Variants in CPA6 observed in about 807,000 individuals in gnomAD.
CPA6 encodes the protein carboxypeptidase B.
In CPA6, 58 loss-of-function variants were observed where a neutral mutation model predicts 63.3. That is an observed-to-expected ratio of 0.92 (90% CI 0.74 to 1.14). The LOEUF is 1.14. Ranked by LOEUF, CPA6 falls within the 50% of genes most tolerant of loss-of-function variation. The probability of loss-of-function intolerance (pLI) is 0.00; values close to 1 mark genes in which losing one functional copy is unlikely to be tolerated. For synonymous variants in CPA6, 185 were observed against 179.0 expected (o/e 1.03, Z -0.27); for missense variants, 565 against 526.6 (o/e 1.07, Z -0.71).
At position 67,591,188 on chromosome 8, in the gene CPA6, A is replaced by C. The variant is rs1399742667; in HGVS notation, c.192+32988T>G. On this transcript the variant is annotated intron_variant, in intron 2 of 10. Transcript: ENST00000297770. ...TTTTCTCAGGTTTGTCAAAGATCAGATGGTTGTAGATATGCGGCATTATTT... is the reference window on the plus strand; with the variant it reads ...TTTTCTCAGGTTTGTCAAAGATCAGCTGGTTGTAGATATGCGGCATTATTT... 5.3e-5 allele frequency among the ~76,000 whole-genome samples: 8 copies of C among 152,284 alleles called. No homozygotes were observed. In the Middle Eastern group the frequency reaches 0.01, roughly 194 times the overall value.
intron 8 of CPA6, among the ~76,000 whole-genome samples, chr8:67,477,282 T>G (rs1347248495): frequency 1.1e-5 from 1 of 91,676 alleles, no homozygotes; most frequent in Non-Finnish European, 1.9e-5. Flanking sequence ...AGAGGGAGAC[T>G]CCATCTCAAA....
At chr8:67,733,212 AAAAAAAAAAAAATAAAAAAAT>A (rs1817745388) in intron 1 of CPA6, among the ~76,000 whole-genome samples, 1 of 130,386 alleles carries the variant, frequency 7.7e-6, no homozygotes, top group Non-Finnish European at 1.8e-5. Context: ...AAAAAAAAAA[AAAAAAAAAAAAATAAAAAAAT>A]TTAGCGTCTA....
chr8:67,728,484 A>AT (rs1480719487), intron 1 of CPA6, among the ~76,000 whole-genome samples: 1 of 152,222 alleles, frequency 6.6e-6, no homozygotes, highest in Non-Finnish European at 1.5e-5. Context: ...AATTTGCACT[A>AT]TAATGAGCCT....
chr8:67,498,096 C>T lies in CPA6; in HGVS notation c.636+8691G>A, dbSNP rs182300257. On this transcript the variant is annotated intron_variant, in intron 6 of 10. Coordinates refer to ENST00000297770, the MANE Select transcript of CPA6 (RefSeq NM_020361.5). ...CTCAGGTTTAAGTCTCTTTGCTCTTCTGTAGATATCTGTTCACGTTTGCAG... is the reference window on the plus strand; with the variant it reads ...CTCAGGTTTAAGTCTCTTTGCTCTTTTGTAGATATCTGTTCACGTTTGCAG... Among the ~76,000 whole-genome samples, 61 of 152,296 alleles carry T rather than the reference C, an allele frequency of 4.0e-4. No individual in the cohort carries two copies. The East Asian group carries it at 9.8e-3, about 25-fold the overall frequency.
chr8:67,611,820 C>T (rs189381033), intron 2 of CPA6, among the ~76,000 whole-genome samples: 9 of 152,236 alleles, frequency 5.9e-5, no homozygotes, highest in South Asian at 4.1e-4. Context: ...AGCCTGCTGG[C>T]GGCACAGCAA....
At chr8:67,574,895 C>A (rs1164495554) in intron 2 of CPA6, among the ~76,000 whole-genome samples, 2 of 151,050 alleles carry the variant, frequency 1.3e-5, no homozygotes, top group Admixed American at 6.6e-5. Flanking sequence ...ACTGGAATTA[C>A]ATAAAAATAA....
intron 1 of CPA6, among the ~76,000 whole-genome samples, chr8:67,692,125 T>C (rs978660502): frequency 6.6e-6 from 1 of 151,698 alleles, no homozygotes; most frequent in Non-Finnish European, 1.5e-5. Context: ...TCACCTGAGG[T>C]TGGGAGTTTG....
chr8:67,620,070 T>C (rs543983212), intron 2 of CPA6, among the ~76,000 whole-genome samples: 4 of 152,340 alleles, frequency 2.6e-5, no homozygotes, highest in East Asian at 1.9e-4. Flanking sequence ...TTTGGAGGAC[T>C]GATGTCTCAA....
intron 2 of CPA6, among the ~76,000 whole-genome samples, chr8:67,615,042 G>A (rs973160857): frequency 2.6e-5 from 4 of 152,062 alleles, no homozygotes; most frequent in African/African-American, 7.2e-5. Flanking sequence ...TTAGGTTATC[G>A]ATACTCGTTT....
intron 2 of CPA6, among the ~76,000 whole-genome samples, chr8:67,555,980 T>C (rs1813051148): frequency 6.6e-6 from 1 of 152,214 alleles, no homozygotes. Flanking sequence ...AAGCAGTGTG[T>C]AGTTCCATCT....
intron 8 of CPA6, among the ~76,000 whole-genome samples, chr8:67,442,603 CAG>C (rs912009281): frequency 6.6e-6 from 1 of 152,158 alleles, no homozygotes; most frequent in Non-Finnish European, 1.5e-5. Context: ...AAACGTGAGT[CAG>C]AGAATTTTGG....
At chr8:67,678,405 T>C (rs1282926865) in intron 1 of CPA6, among the ~76,000 whole-genome samples, 1 of 152,120 alleles carries the variant, frequency 6.6e-6, no homozygotes, top group Non-Finnish European at 1.5e-5. Context: ...ATATCCAAAA[T>C]ATATAAAGGA....
intron 8 of CPA6, among the ~76,000 whole-genome samples, chr8:67,443,903 G>A (rs1810351949): frequency 2.0e-5 from 3 of 152,150 alleles, no homozygotes; most frequent in African/African-American, 7.2e-5. Flanking sequence ...TAACTAATTG[G>A]ACTTGGTGAC....
intron 1 of CPA6, among the ~76,000 whole-genome samples, chr8:67,662,944 G>C (rs1382340149): frequency 1.3e-5 from 2 of 152,108 alleles, no homozygotes; most frequent in African/African-American, 4.8e-5. Context: ...AGACAGATGA[G>C]AGGAAAAAGA....
chr8:67,459,487 G>T (rs1810752500), intron 8 of CPA6, among the ~76,000 whole-genome samples: 1 of 152,210 alleles, frequency 6.6e-6, no homozygotes, highest in African/African-American at 2.4e-5. Context: ...ATGTAAACGT[G>T]TGTTACTAAG....
At chr8:67,648,696 C>T (rs1225825681) in intron 1 of CPA6, among the ~76,000 whole-genome samples, 4 of 152,142 alleles carry the variant, frequency 2.6e-5, no homozygotes, top group Non-Finnish European at 5.9e-5. Flanking sequence ...ACTTTTCATG[C>T]AGAATTTTGT....
At chr8:67,727,352 C>T (rs1817615944) in intron 1 of CPA6, among the ~76,000 whole-genome samples, 1 of 152,136 alleles carries the variant, frequency 6.6e-6, no homozygotes, top group Admixed American at 6.5e-5. Flanking sequence ...GCATGTTGAG[C>T]ACTTTTGAAT....
chr8:67,745,420 G>A (rs563298270), intron 1 of CPA6, among the ~76,000 whole-genome samples: 1 of 152,234 alleles, frequency 6.6e-6, no homozygotes, highest in South Asian at 2.1e-4. Flanking sequence ...CTACGGAGGG[G>A]GGACAAAACT....
chr8:67,722,398 A>AT (rs1284587556), intron 1 of CPA6, among the ~76,000 whole-genome samples: 5 of 152,288 alleles, frequency 3.3e-5, no homozygotes, highest in African/African-American at 7.2e-5. Flanking sequence ...TTGTAGTTAC[A>AT]TTTTTTAAAT....
Sources: gnomAD v4.1 joint callset for allele counts (sites outside exome capture counted in the v4.1 genomes callset) on GRCh38, gnomAD v4.1.1 for gene constraint, MANE v1.5 for transcripts, NCBI Gene and HGNC (gene_info 2026-07-23, HGNC 2026-07-21) for gene names.